The following DCHS2 variants were observed in gnomAD, a reference collection of about 807,000 sequenced individuals.
DCHS2 encodes the protein dachsous cadherin-related 2.
DCHS2 carries 142 observed loss-of-function variants against 182.4 expected under a neutral mutation model. That is an observed-to-expected ratio of 0.78 (90% CI 0.68 to 0.89). The LOEUF (loss-of-function observed/expected upper bound fraction) is 0.89. Ranked by LOEUF, DCHS2 falls within the 40% of genes least tolerant of loss-of-function variation. The pLI, the probability that DCHS2 is intolerant of heterozygous loss-of-function variation, is 0.00. For synonymous variants in DCHS2, 1,740 were observed against 1,663.3 expected, an observed-to-expected ratio of 1.05 and a Z score of -1.12; for missense variants, 4,319 against 4,198.6, an observed-to-expected ratio of 1.03 and a Z score of -0.79.
chr4:154,410,505 A>G (rs1398411863), intron 1 of DCHS2, among the ~76,000 whole-genome samples: 3 of 143,402 alleles, frequency 2.1e-5, no homozygotes, highest in Non-Finnish European at 4.6e-5. Context: ...AATGAAAAAG[A>G]GTGAAGACAG....
intron 3 of DCHS2, chr4:154,355,862 T>C (rs1320630231): frequency 6.6e-6 from 1 of 152,136 alleles, no homozygotes; most frequent in Non-Finnish European, 1.5e-5. Flanking sequence ...TATAAAAGTA[T>C]GGCACATGCT....
Position 154,445,156 on chromosome 4 carries a change from T to G in DCHS2, c.2052+44148A>C, listed in dbSNP as rs75478849. Among the ~76,000 whole-genome samples, 428 of 152,300 alleles carry G rather than the reference T, an allele frequency of 2.8e-3. 1 individual carries two copies. Among genetic ancestry groups the G allele is most frequent in the African/African-American group, 9.5e-3 (393 of 41,564 alleles). On this transcript the variant is annotated intron_variant, in intron 1 of 19. Coordinates refer to ENST00000357232, the MANE Select transcript of DCHS2 (RefSeq NM_001358235.2). ...CATGAGTTGTTACTTCTTCATTATC[T>G]TTCTCTCCCACTAGACTGGCTCCCT...
intron 1 of DCHS2, among the ~76,000 whole-genome samples, chr4:154,406,736 G>A (rs1174766612): frequency 6.6e-6 from 1 of 152,154 alleles, no homozygotes; most frequent in Non-Finnish European, 1.5e-5. Context: ...AATCTCTTCT[G>A]ACTTGCAGCA....
rs1258897646 is a variant in DCHS2, at chr4:154,490,050, C to T, written c.1306G>A (p.Val436Met). ...GCGTCAGACACCGAGACGCGAGCCACGTAGTCGCCCGGTCGGGCGCCTTCA... is the reference window on the plus strand; with the variant it reads ...GCGTCAGACACCGAGACGCGAGCCATGTAGTCGCCCGGTCGGGCGCCTTCA... The part of the protein sequence containing the change: ...VSEGARPGDY[V>M]ARVSVSDADG... Residue 436 changes from valine (V) to methionine (M), a missense_variant, in exon 1 of 20, where the codon GTG (valine) becomes ATG (methionine). Physicochemically the swap from Val to Met is conservative, Grantham distance 21. Coordinates refer to ENST00000357232, the MANE Select transcript of DCHS2 (RefSeq NM_001358235.2). The T allele has an allele frequency of 2.6e-6, 4 of 1,548,634 alleles. No individual in the cohort carries two copies. Among genetic ancestry groups the T allele is most frequent in the African/African-American group, 2.7e-5 (2 of 73,056 alleles).
intron 1 of DCHS2, among the ~76,000 whole-genome samples, chr4:154,435,648 T>C (rs1337999283): frequency 1.3e-5 from 2 of 151,700 alleles, no homozygotes; most frequent in South Asian, 2.1e-4. Flanking sequence ...TTAGAAATAA[T>C]GAATACCTCT....
chr4:154,417,599 T>TAA (rs1426081449), intron 1 of DCHS2, among the ~76,000 whole-genome samples: 4 of 152,174 alleles, frequency 2.6e-5, no homozygotes, highest in African/African-American at 9.7e-5. Flanking sequence ...TGGGACATGA[T>TAA]TATACTAAAA....
intron 15 of DCHS2, among the ~76,000 whole-genome samples, chr4:154,258,837 G>T (rs1475352079): frequency 6.6e-6 from 1 of 152,160 alleles, no homozygotes. Flanking sequence ...CATTCCAGGG[G>T]CCAAAAGGAA....
chr4:154,435,458 T>G (rs12506034), intron 1 of DCHS2, among the ~76,000 whole-genome samples: 13 of 151,662 alleles, frequency 8.6e-5, no homozygotes, highest in African/African-American at 3.2e-4. Context: ...TAGCTGGGTA[T>G]GGTGGTGGGT....
At chr4:154,338,488 A>C (rs186307292) in intron 3 of DCHS2, among the ~76,000 whole-genome samples, 35 of 152,338 alleles carry the variant, frequency 2.3e-4, no homozygotes, top group Admixed American at 1.1e-3. Context: ...TTTTCCTAAA[A>C]TATTTAAGTG....
intron 16 of DCHS2, among the ~76,000 whole-genome samples, chr4:154,244,474 G>T (rs1016790349): frequency 6.6e-6 from 1 of 152,194 alleles, no homozygotes; most frequent in African/African-American, 2.4e-5. Context: ...TTAATTAGAA[G>T]ATGCTCTTTA....
chr4:154,368,360 C>T (rs939440181), intron 2 of DCHS2, among the ~76,000 whole-genome samples: 15 of 152,072 alleles, frequency 9.9e-5, no homozygotes, highest in African/African-American at 3.4e-4. Context: ...CAAGAGGTCA[C>T]TTAGGGTTGA....
intron 17 of DCHS2, among the ~76,000 whole-genome samples, chr4:154,242,049 C>A (rs923205239): frequency 2.6e-5 from 4 of 152,152 alleles, no homozygotes; most frequent in African/African-American, 9.7e-5. Context: ...TTCCCCAACG[C>A]AGCCATTGAC....
intron 1 of DCHS2, among the ~76,000 whole-genome samples, chr4:154,410,561 C>G (rs565018224): frequency 2.1e-5 from 2 of 93,070 alleles, no homozygotes; most frequent in East Asian, 3.4e-4. Flanking sequence ...TTTGACAGAG[C>G]AAGACTCCAT....
At chr4:154,273,712 C>T (rs2111214482) in intron 13 of DCHS2, among the ~76,000 whole-genome samples, 1 of 152,176 alleles carries the variant, frequency 6.6e-6, no homozygotes, top group African/African-American at 2.4e-5. Context: ...CCTCATAGTT[C>T]CTTTACTGGC....
intron 10 of DCHS2, among the ~76,000 whole-genome samples, chr4:154,306,597 C>G (rs974481375): frequency 5.9e-5 from 9 of 152,046 alleles, no homozygotes; most frequent in Non-Finnish European, 8.8e-5. Flanking sequence ...GTGCCAAAGA[C>G]AGAGTGCTGA....
intron 1 of DCHS2, among the ~76,000 whole-genome samples, chr4:154,446,313 C>T (rs1047532788): frequency 2.6e-5 from 4 of 152,140 alleles, no homozygotes; most frequent in African/African-American, 4.8e-5. Flanking sequence ...CACCATATTT[C>T]GATTTGTACC....
chr4:154,302,842 A>ATT, intron 12 of DCHS2, among the ~76,000 whole-genome samples: 1 of 99,060 alleles, frequency 1.0e-5, no homozygotes, highest in Non-Finnish European at 2.4e-5. Flanking sequence ...ATATATACAC[A>ATT]CATATATGAA....
At chr4:154,399,590 T>C (rs1201534154) in intron 1 of DCHS2, among the ~76,000 whole-genome samples, 3 of 152,214 alleles carry the variant, frequency 2.0e-5, no homozygotes, top group African/African-American at 7.2e-5. Flanking sequence ...GTAAGTTTCA[T>C]TGAGTGCTCA....
intron 1 of DCHS2, among the ~76,000 whole-genome samples, chr4:154,405,209 C>T (rs1410600308): frequency 6.6e-6 from 1 of 152,026 alleles, no homozygotes; most frequent in Non-Finnish European, 1.5e-5. Flanking sequence ...TGAGATCACG[C>T]CATTGCACTC....
Sources: allele counts gnomAD v4.1 joint callset (sites outside exome capture counted in the v4.1 genomes callset), GRCh38; gene constraint gnomAD v4.1.1; transcripts MANE v1.5; gene names NCBI Gene and HGNC (gene_info 2026-07-23, HGNC 2026-07-21).